SLC35F1: variants seen among roughly 807,000 people sequenced by gnomAD.
SLC35F1 encodes the protein chromosome 6 open reading frame 169.
In SLC35F1, 14 loss-of-function variants were observed where a neutral mutation model predicts 48.7. The observed-to-expected ratio is 0.29, with a 90% CI of 0.19 to 0.45. SLC35F1 has a LOEUF of 0.45. Ranked by LOEUF, SLC35F1 falls within the 20% of genes least tolerant of loss-of-function variation. SLC35F1 has a pLI of 1.00. For synonymous variants in SLC35F1, 190 were observed against 202.2 expected (o/e 0.94, Z 0.51); for missense variants, 404 against 500.0 (o/e 0.81, Z 1.83).
chr6:118,235,737 ATAC>A, intron 3 of SLC35F1, 101 bp downstream of exon 3: 1 of 1,252,890 alleles, frequency 8.0e-7, no homozygotes, highest in Non-Finnish European at 1.1e-6. Context: ...TACTATCTGT[ATAC>A]TATACTATAG....
intron 1 of SLC35F1, among the ~76,000 whole-genome samples, chr6:118,040,257 T>C (rs2114901124): frequency 6.6e-6 from 1 of 152,304 alleles, no homozygotes; most frequent in African/African-American, 2.4e-5. Flanking sequence ...GGCTGCTCTA[T>C]GGCTGGGTTC....
At chr6:118,112,116 CTTTT>C (rs1773415297) in intron 1 of SLC35F1, among the ~76,000 whole-genome samples, 1 of 88,268 alleles carries the variant, frequency 1.1e-5, no homozygotes, top group Non-Finnish European at 2.2e-5. Flanking sequence ...CTTTTCTTTT[CTTTT>C]CTTTTCTTTT....
chr6:118,276,152 G>T (rs1775915429), intron 5 of SLC35F1, among the ~76,000 whole-genome samples: 1 of 152,126 alleles, frequency 6.6e-6, no homozygotes, highest in Non-Finnish European at 1.5e-5. Flanking sequence ...CATTCACTAA[G>T]CATCACAAAG....
At chr6:118,245,596 A>C (rs1775497129) in intron 3 of SLC35F1, among the ~76,000 whole-genome samples, 1 of 152,086 alleles carries the variant, frequency 6.6e-6, no homozygotes. Flanking sequence ...GATAAAGTGA[A>C]CCTCCAGATG....
intron 1 of SLC35F1, among the ~76,000 whole-genome samples, chr6:117,917,988 A>G (rs1422918597): frequency 6.6e-6 from 1 of 152,176 alleles, no homozygotes; most frequent in East Asian, 1.9e-4. Context: ...TGTTTCCAGA[A>G]GGAGGCAATA....
In SLC35F1 at chr6:117,907,696, T is replaced by A; in HGVS notation, c.-31T>A. On this transcript the variant is annotated 5_prime_UTR_variant, in exon 1 of 8. It removes the in-frame stop codon of an upstream open reading frame in the 5' UTR. Coordinates refer to ENST00000360388, the MANE Select transcript of SLC35F1 (RefSeq NM_001029858.4). ...GCACACGATGCACCCGGCTGCGTTC[T>A]GATCGCCGCCGCGCCTCAGCCTCTG... 3 of 1,394,646 alleles carry A rather than the reference T, an allele frequency of 2.2e-6. No homozygotes were observed. Among genetic ancestry groups the A allele is most frequent in the Non-Finnish European group, 2.9e-6 (3 of 1,033,852 alleles). 86.4% of individuals were successfully genotyped at this position (1,394,646 alleles called of 1,614,324 possible).
chr6:118,140,384 A>G (rs1773867785), intron 1 of SLC35F1, among the ~76,000 whole-genome samples: 1 of 152,196 alleles, frequency 6.6e-6, no homozygotes, highest in South Asian at 2.1e-4. Flanking sequence ...TAGACTTCAT[A>G]GTGTAGTAGC....
At chr6:117,918,631 A>G (rs930018718) in intron 1 of SLC35F1, among the ~76,000 whole-genome samples, 10 of 152,172 alleles carry the variant, frequency 6.6e-5, no homozygotes, top group African/African-American at 2.4e-4. Context: ...AAGGAAATAT[A>G]CTAAAGAAGT....
chr6:117,972,047 T>G (rs1430143224), intron 1 of SLC35F1, among the ~76,000 whole-genome samples: 2 of 152,210 alleles, frequency 1.3e-5, no homozygotes, highest in Non-Finnish European at 2.9e-5. Context: ...AGGGTGCAAA[T>G]TTTCCAAACT....
At position 117,995,866 on chromosome 6, in the gene SLC35F1, G is replaced by A. The variant is rs188635022; in HGVS notation, c.173+87967G>A. Among the ~76,000 whole-genome samples the A allele has an allele frequency of 3.0e-3, 452 of 152,256 alleles. 4 individuals carry two copies. Among genetic ancestry groups the A allele is most frequent in the African/African-American group, 0.01 (420 of 41,548 alleles). On this transcript the variant is annotated intron_variant, in intron 1 of 7. Transcript: ENST00000360388. ...TAGATTGGATGGATTATATGGTATC[G>A]TAAATCATCATAGTATTCTTTATTT...
intron 1 of SLC35F1, among the ~76,000 whole-genome samples, chr6:117,956,253 G>A (rs142885288): frequency 1.5e-4 from 23 of 152,278 alleles, no homozygotes; most frequent in East Asian, 9.6e-4. Flanking sequence ...TCTTCCTACC[G>A]CACAGAATGG....
intron 1 of SLC35F1, among the ~76,000 whole-genome samples, chr6:117,958,732 A>G (rs1776458262): frequency 6.6e-6 from 1 of 152,224 alleles, no homozygotes; most frequent in African/African-American, 2.4e-5. Flanking sequence ...ATGTTTGCAC[A>G]AAGAGGAAAT....
chr6:117,999,532 C>T (rs1409110100), intron 1 of SLC35F1: 12 of 817,104 alleles, frequency 1.5e-5, no homozygotes, highest in Middle Eastern at 3.8e-4. Flanking sequence ...GGGCTGGGGT[C>T]CTCCTGTGCT....
At chr6:118,070,470 A>G (rs1772685840) in intron 1 of SLC35F1, among the ~76,000 whole-genome samples, 1 of 152,176 alleles carries the variant, frequency 6.6e-6, no homozygotes, top group Admixed American at 6.5e-5. Flanking sequence ...CACATGAACT[A>G]TATAAATCTG....
chr6:118,048,316 T>C (rs909882414), intron 1 of SLC35F1, among the ~76,000 whole-genome samples: 6 of 152,158 alleles, frequency 3.9e-5, no homozygotes, highest in Non-Finnish European at 8.8e-5. Flanking sequence ...GCATCAATGT[T>C]CATCAAGGAT....
intron 3 of SLC35F1, among the ~76,000 whole-genome samples, chr6:118,248,818 A>G (rs1775538394): frequency 6.6e-6 from 1 of 152,230 alleles, no homozygotes. Context: ...CACCTACTAT[A>G]GATTGAGTGT....
intron 3 of SLC35F1, among the ~76,000 whole-genome samples, chr6:118,260,372 T>C (rs1396627116): frequency 6.6e-6 from 1 of 152,204 alleles, no homozygotes; most frequent in Non-Finnish European, 1.5e-5. Context: ...AAATTTATAG[T>C]ATATTTATTA....
intron 1 of SLC35F1, among the ~76,000 whole-genome samples, chr6:118,139,741 A>G (rs375238001): frequency 6.6e-6 from 1 of 152,222 alleles, no homozygotes; most frequent in East Asian, 1.9e-4. Flanking sequence ...TAGCTGAAGC[A>G]TGCACAAGTA....
chr6:118,286,550 A>G (rs1205865279), intron 7 of SLC35F1, among the ~76,000 whole-genome samples: 1 of 152,200 alleles, frequency 6.6e-6, no homozygotes, highest in Non-Finnish European at 1.5e-5. Context: ...AGGATCAGAA[A>G]CAGATCTGAG....
Sources: gnomAD v4.1 joint callset for allele counts (sites outside exome capture counted in the v4.1 genomes callset) on GRCh38, gnomAD v4.1.1 for gene constraint, MANE v1.5 for transcripts, NCBI Gene and HGNC (gene_info 2026-07-23, HGNC 2026-07-21) for gene names.